Variants in UBN1 observed in about 807,000 individuals in gnomAD.
The protein encoded by UBN1 is ubinuclein 1.
A neutral mutation model predicts 108.5 loss-of-function variants in UBN1; 17 were observed. The observed-to-expected ratio is 0.16, with a 90% CI of 0.11 to 0.24. The LOEUF is 0.24. UBN1 is among the 10% of genes least tolerant of loss of function. The pLI, the probability that UBN1 is intolerant of heterozygous loss-of-function variation, is 1.00. For missense variants in UBN1, 1,595 were observed against 1,394.4 expected, an observed-to-expected ratio of 1.14 and a Z score of -2.29; for synonymous variants, 726 against 564.2, an observed-to-expected ratio of 1.29 and a Z score of -4.07.
rs1363008982 is a variant in UBN1, at chr16:4,876,988, C to G, written c.3142C>G (p.Pro1048Ala). ...CTCGAACTCCTTGGGAATTATAACC[C>G]CTGTCCCTATTCCTGTCCATGTGCT... ...MSSNSLGIIT[P>A]VPIPVHVLSF... Residue 1048 changes from proline (P) to alanine (A), a missense_variant, in exon 16 of 18, where the codon CCT becomes GCT. Pro to Ala is a conservative substitution (Grantham distance 27). This residue lies in a region of UBN1 where 1,398 missense variants were observed against 1,194.7 expected (regional missense o/e 1.17). Transcript: ENST00000262376. 2.2e-5 allele frequency: 36 copies of G among 1,614,096 alleles called. No homozygotes were observed. Among genetic ancestry groups the G allele is most frequent in the Non-Finnish European group, 2.9e-5 (34 of 1,180,034 alleles).
At chr16:4,875,476 G>A in intron 15 of UBN1, 42 bp downstream of exon 15, 2 of 1,561,588 alleles carry the variant, frequency 1.3e-6, no homozygotes, top group South Asian at 2.4e-5. Context: ...CCACTCACAG[G>A]GGCCTTGGGG....
intron 8 of UBN1, 65 bp downstream of exon 8, chr16:4,868,968 A>G: frequency 6.4e-7 from 1 of 1,571,062 alleles, no homozygotes; most frequent in Non-Finnish European, 8.7e-7. Flanking sequence ...GGGGCAAGCC[A>G]GCTAGGGGAC....
rs563141964 is a variant in UBN1, at chr16:4,868,743, T to C, written c.1111-90T>C. 14 of 1,303,402 alleles carry C rather than the reference T, an allele frequency of 1.1e-5. No individual in the cohort carries two copies. In the African/African-American group the frequency reaches 1.2e-4, roughly 11 times the overall value. The allele number at this position is 1,303,402 out of a possible 1,614,324, so 80.7% of individuals were successfully genotyped here. A position where few individuals can be genotyped will look rare whatever the true frequency, so the allele number is the denominator to read the frequency against. ...TGTGACTGTATTGACAGGTGCTCTT[T>C]ATGGAGCGATGACTCCTGTGCCTGT... On this transcript the variant is annotated intron_variant, in intron 7 of 17. Coordinates refer to ENST00000262376, the MANE Select transcript of UBN1 (RefSeq NM_001079514.3).
chr16:4,851,476 GTTC>G (rs1384346916), intron 1 of UBN1, among the ~76,000 whole-genome samples: 1 of 152,022 alleles, frequency 6.6e-6, no homozygotes, highest in African/African-American at 2.4e-5. Context: ...ATATACACAA[GTTC>G]TTCTATAAGA....
At chr16:4,848,822 C>T (rs1326974653) in intron 1 of UBN1, among the ~76,000 whole-genome samples, 1 of 152,102 alleles carries the variant, frequency 6.6e-6, no homozygotes, top group African/African-American at 2.4e-5. Context: ...GAATCTTGGC[C>T]GGGCAGGGTG....
At chr16:4,858,694 C>T (rs2142157341) in intron 4 of UBN1, 31 bp downstream of exon 4, 2 of 1,599,768 alleles carry the variant, frequency 1.3e-6, no homozygotes, top group Admixed American at 1.7e-5. Context: ...CCGTGTCAGA[C>T]CCACTGTACC....
rs1025664959 is a variant in UBN1 at position 4,877,249 on chromosome 16, C to G, written c.3266-136C>G. On this transcript the variant is annotated intron_variant, in intron 16 of 17. Transcript: ENST00000262376. This position sits in a 1 kb window ranked among gnomAD's most constrained non-coding sequence, Gnocchi z 4.3. ...AACATCTCCGGGAACTGTGCCAAGCCCCCACTGCCCCTTTGGGTGTGGTGC... is the reference window on the plus strand; with the variant it reads ...AACATCTCCGGGAACTGTGCCAAGCGCCCACTGCCCCTTTGGGTGTGGTGC... 1.9e-4 allele frequency: 288 copies of G among 1,508,500 alleles called. No individual in the cohort carries two copies. Among genetic ancestry groups the G allele is most frequent in the Non-Finnish European group, 2.5e-4 (284 of 1,126,968 alleles). 93.4% of individuals were successfully genotyped at this position (1,508,500 alleles called of 1,614,324 possible).
chr16:4,847,550 G>T lies in UBN1; in HGVS notation c.-700G>T. On this transcript the variant is annotated 5_prime_UTR_variant, in exon 1 of 18. Transcript: ENST00000262376. ...GGTCTGAGGCGGCGGCGGCGGCGAC[G>T]GTGCGACCGGCTGAGCGCGAGAGGG... 1 of 439,996 alleles carries T rather than the reference G, an allele frequency of 2.3e-6. No homozygotes were observed. Among genetic ancestry groups the T allele is most frequent in the South Asian group, 3.0e-5 (1 of 33,742 alleles). 27.3% of individuals were successfully genotyped at this position (439,996 alleles called of 1,614,324 possible).
chr16:4,877,166 G>C lies in UBN1; in HGVS notation c.3265+55G>C. On this transcript the variant is annotated intron_variant, in intron 16 of 17. Transcript: ENST00000262376. The surrounding 1 kb of genome is among the most constrained non-coding windows in gnomAD (Gnocchi z 4.3). ...TCAGGAACCTCTAGATTGTGGCCAGGGGTCCTGCTGTTGTGTACTCTGGTT... is the reference window on the plus strand; with the variant it reads ...TCAGGAACCTCTAGATTGTGGCCAGCGGTCCTGCTGTTGTGTACTCTGGTT... 1 of 1,548,418 alleles carries C rather than the reference G, an allele frequency of 6.5e-7. No individual in the cohort carries two copies. The highest frequency in any genetic ancestry group is 1.2e-5 in the South Asian group (1 of 80,104).
chr16:4,875,058 T>C lies in UBN1; in HGVS notation c.2648T>C (p.Leu883Pro). ...ACCCCAGCCTCGTCCTCTTCTGCCC[T>C]GAGCCATCCAGCAAAGCCACATTCA... ...HKTPASSSSA[L>P]SHPAKPHSVS... Residue 883 changes from leucine to proline, a missense_variant, in exon 15 of 18, where the codon CTG (leucine) becomes CCG (proline). This residue lies in a region of UBN1 where 1,398 missense variants were observed against 1,194.7 expected (regional missense o/e 1.17). Transcript: ENST00000262376. 4 of 1,614,034 alleles carry C rather than the reference T, an allele frequency of 2.5e-6. No homozygotes were observed. Among genetic ancestry groups the C allele is most frequent in the Non-Finnish European group, 3.4e-6 (4 of 1,180,054 alleles).
chr16:4,851,340 C>A (rs910453320), intron 1 of UBN1, among the ~76,000 whole-genome samples: 1 of 152,148 alleles, frequency 6.6e-6, no homozygotes, highest in Non-Finnish European at 1.5e-5. Context: ...GTTCCAACTA[C>A]TAGGGAGGCT....
chr16:4,877,551 C>T lies in UBN1; in HGVS notation c.3355+77C>T. 1 of 1,497,732 alleles carries T rather than the reference C, an allele frequency of 6.7e-7. No individual in the cohort carries two copies. Among genetic ancestry groups the T allele is most frequent in the Non-Finnish European group, 8.9e-7 (1 of 1,126,968 alleles). The allele number at this position is 1,497,732 out of a possible 1,614,324, so 92.8% of individuals were successfully genotyped here. On this transcript the variant is annotated intron_variant, in intron 17 of 17. Transcript: ENST00000262376. The surrounding 1 kb of genome is among the most constrained non-coding windows in gnomAD (Gnocchi z 4.3). ...CCACCCCTAGGTGCTTTGCCGCTGC[C>T]AAGGGTCTTGGTGTCTTTGCCTTGA...
rs756310660 is a variant in UBN1 at position 4,875,284 on chromosome 16, G to T, written c.2874G>T (p.Met958Ile). 6.2e-7 allele frequency: 1 copy of T among 1,614,246 alleles called. No individual in the cohort carries two copies. Among genetic ancestry groups the T allele is most frequent in the Admixed American group, 1.7e-5 (1 of 60,034 alleles). Residue 958 changes from methionine (M) to isoleucine (I), a missense_variant, in exon 15 of 18, where the codon ATG becomes ATT. By Grantham distance (10) the Met-to-Ile change is conservative. Transcript: ENST00000262376. Reference sequence around the variant, plus strand: ...TCCCAAGTTCAGCAGGGAAAAAAATGCCTGTTTCCCAGAAGTTGACTCTGG... The same window carrying T: ...TCCCAAGTTCAGCAGGGAAAAAAATTCCTGTTTCCCAGAAGTTGACTCTGG... ...RPVPSSAGKK[M>I]PVSQKLTLVA...
At chr16:4,859,797 G>T in intron 5 of UBN1, 68 bp from the exon 6 acceptor site, 1 of 1,603,844 alleles carries the variant, frequency 6.2e-7, no homozygotes, top group South Asian at 1.1e-5. Context: ...AGCAAGGCCA[G>T]TGCCGTGTAG....
intron 7 of UBN1, among the ~76,000 whole-genome samples, chr16:4,865,732 G>C (rs1205278633): frequency 2.0e-5 from 3 of 152,048 alleles, no homozygotes; most frequent in African/African-American, 7.2e-5. Context: ...TGGCTGAGGC[G>C]GGCGGATCAC....
At chr16:4,861,523 C>G (rs1216530854) in intron 7 of UBN1, among the ~76,000 whole-genome samples, 4 of 152,258 alleles carry the variant, frequency 2.6e-5, no homozygotes, top group African/African-American at 9.6e-5. Context: ...GTAGATGCTT[C>G]GTTGCCACTA....
chr16:4,866,335 C>T (rs778694322), intron 7 of UBN1, among the ~76,000 whole-genome samples: 12 of 152,198 alleles, frequency 7.9e-5, no homozygotes, highest in African/African-American at 1.9e-4. Flanking sequence ...TTGAGTTTTG[C>T]GCATTTTCTT....
rs142352299 is a variant in UBN1, at chr16:4,868,912, CGTCTGTCT to C, written c.1181+28_1181+35del. 13 of 1,612,448 alleles carry C rather than the reference CGTCTGTCT, an allele frequency of 8.1e-6. No homozygotes were observed. Among genetic ancestry groups the C allele is most frequent in the African/African-American group, 6.7e-5 (5 of 74,802 alleles). ...AATGGAATCCTATTAGAGTGAGTAT[CGTCTGTCT>C]GTCTGTCTGTCTGTCTGTTTCTGCT... On this transcript the variant is annotated intron_variant, in intron 8 of 17. Coordinates refer to ENST00000262376, the MANE Select transcript of UBN1 (RefSeq NM_001079514.3).
Position 4,858,646 on chromosome 16 carries a change from A to G in UBN1, c.415A>G (p.Ile139Val), listed in dbSNP as rs779220885. 8 of 1,614,092 alleles carry G rather than the reference A, an allele frequency of 5.0e-6. No individual in the cohort carries two copies. The highest frequency in any genetic ancestry group is 2.7e-5 in the African/African-American group (2 of 74,920). ...TGGTTATGATGAATCCGACTCCTTC[A>G]TCGATAACTCTGAGGCGGTAAGTAG... ...GYGYDESDSF[I>V]DNSEAYDELV... The change falls in exon 4 of 18, where the codon ATC (isoleucine) becomes GTC (valine). Residue 139 changes from isoleucine to valine, a missense_variant. Ile to Val is a conservative substitution (Grantham distance 29, BLOSUM62 3). Around this residue, in one of 3 missense-constraint regions of UBN1, gnomAD observed 16 missense variants for 42.4 expected, o/e 0.38. Transcript: ENST00000262376.
Sources: allele counts gnomAD v4.1 joint callset (sites outside exome capture counted in the v4.1 genomes callset), GRCh38; gene constraint gnomAD v4.1.1; regional missense constraint gnomAD v4.1.1; non-coding constraint Gnocchi (gnomAD v3.1); transcripts MANE v1.5; gene names NCBI Gene and HGNC (gene_info 2026-07-23, HGNC 2026-07-21).